MYO9B: variants seen among roughly 807,000 people sequenced by gnomAD.
The protein encoded by MYO9B is myosin IXB.
Under a neutral mutation model 229.5 loss-of-function variants are expected in MYO9B, and 71 were observed. The ratio of observed to expected loss-of-function variants is 0.31; its 90% CI spans 0.26 to 0.38. MYO9B has a LOEUF of 0.38. Among genes scored for constraint, MYO9B ranks in the 10% least tolerant of loss-of-function variants. The pLI is 1.00. For synonymous variants in MYO9B, 1,185 were observed against 1,235.8 expected (o/e 0.96, Z 0.86); for missense variants, 2,255 against 2,920.5 (o/e 0.77, Z 5.25).
chr19:17,189,109 C>T (rs755146083), intron 19 of MYO9B, among the ~76,000 whole-genome samples: 6 of 150,820 alleles, frequency 4.0e-5, no homozygotes, highest in Non-Finnish European at 8.8e-5. Flanking sequence ...TGCAATAAGC[C>T]GAGATCACGC....
chr19:17,084,725 GAAAAA>G (rs1481719736), intron 1 of MYO9B, among the ~76,000 whole-genome samples: 1 of 146,596 alleles, frequency 6.8e-6, no homozygotes, highest in South Asian at 2.2e-4. Flanking sequence ...AAAAAAAAAA[GAAAAA>G]AAGAAAAACA....
chr19:17,117,477 C>T (rs927822582), intron 2 of MYO9B, among the ~76,000 whole-genome samples: 4 of 152,106 alleles, frequency 2.6e-5, no homozygotes, highest in Admixed American at 2.0e-4. Context: ...CCTGTGACCC[C>T]GACACGTGGT....
At chr19:17,137,802 G>A (rs2072289902) in intron 2 of MYO9B, among the ~76,000 whole-genome samples, 1 of 151,832 alleles carries the variant, frequency 6.6e-6, no homozygotes, top group Admixed American at 6.6e-5. Flanking sequence ...GGAGTGCAGG[G>A]GCGCAAATGC....
chr19:17,089,659 C>T (rs532246538), intron 1 of MYO9B, among the ~76,000 whole-genome samples: 5 of 152,200 alleles, frequency 3.3e-5, no homozygotes, highest in African/African-American at 1.2e-4. Flanking sequence ...TCTATGAGAA[C>T]ACAAGGAAAA....
chr19:17,142,333 G>C (rs1026199178), intron 2 of MYO9B, among the ~76,000 whole-genome samples: 1 of 152,128 alleles, frequency 6.6e-6, no homozygotes, highest in Non-Finnish European at 1.5e-5. Flanking sequence ...ACTGCTGATG[G>C]GGACAGTCTC....
At position 17,125,682 on chromosome 19, in the gene MYO9B, G is replaced by A. The variant is rs546435402; in HGVS notation, c.841-19715G>A. Among the ~76,000 whole-genome samples the A allele has an allele frequency of 2.0e-5, 3 of 152,246 alleles. No individual in the cohort carries two copies. The South Asian group carries it at 6.2e-4, about 32-fold the overall frequency. The stretch of plus-strand genomic sequence containing the variant: ...TCTGCGTCTGTGGCTGACAGTTGGT[G>A]TCTCTTGTGAACTGGGACATACGGC... On this transcript the variant is annotated intron_variant, in intron 2 of 39. Coordinates refer to ENST00000682292, the MANE Select transcript of MYO9B (RefSeq NM_004145.4).
Position 17,193,905 on chromosome 19 carries a change from G to A in MYO9B, c.3129-651G>A, listed in dbSNP as rs1021539498. ...AAAGCAAAACAGGCTGGGCATAGTG[G>A]CTCACACCTGTAAGGCCAGCACTTT... On this transcript the variant is annotated intron_variant, in intron 21 of 39. Coordinates refer to ENST00000682292, the MANE Select transcript of MYO9B (RefSeq NM_004145.4). The surrounding 1 kb of genome is among the most constrained non-coding windows in gnomAD (Gnocchi z 4.3). 2.6e-5 allele frequency among the ~76,000 whole-genome samples: 4 copies of A among 151,848 alleles called. No individual in the cohort carries two copies. Among genetic ancestry groups the A allele is most frequent in the African/African-American group, 9.7e-5 (4 of 41,152 alleles).
intron 2 of MYO9B, among the ~76,000 whole-genome samples, chr19:17,142,877 C>T (rs1189030676): frequency 6.6e-6 from 1 of 152,076 alleles, no homozygotes; most frequent in African/African-American, 2.4e-5. Context: ...TGTGGCTTAC[C>T]CTATCAGATG....
chr19:17,190,631 C>T (rs2072973463), intron 19 of MYO9B, among the ~76,000 whole-genome samples: 1 of 120,696 alleles, frequency 8.3e-6, no homozygotes, highest in African/African-American at 3.5e-5. Context: ...AAGTGAGACC[C>T]CGTCTCAAAA....
intron 1 of MYO9B, among the ~76,000 whole-genome samples, chr19:17,080,066 C>T (rs1208021099): frequency 2.6e-5 from 4 of 152,266 alleles, no homozygotes; most frequent in Middle Eastern, 3.4e-3. Flanking sequence ...TTTCTGAGCC[C>T]GAGCCCGATG....
intron 14 of MYO9B, among the ~76,000 whole-genome samples, chr19:17,177,301 T>A (rs1599395478): frequency 6.6e-6 from 1 of 151,566 alleles, no homozygotes; most frequent in East Asian, 1.9e-4. Context: ...TTTTTTTTTT[T>A]GGTCCCCCAA....
chr19:17,157,222 G>T, intron 7 of MYO9B, 184 bp downstream of exon 7: 2 of 692,428 alleles, frequency 2.9e-6, no homozygotes, highest in African/African-American at 3.6e-5. Flanking sequence ...GTGGACAGGG[G>T]CACCTCCTCC....
In MYO9B at chr19:17,166,499, G is replaced by GT. The variant is rs772505293; in HGVS notation, c.1672-1433dup. On this transcript the variant is annotated intron_variant, in intron 10 of 39. Transcript: ENST00000682292. ...TGCATTTTGTTACTGATATATTTAT[G>GT]TTTTTTTTTTTCACTTTGAAGTTCA... Among the ~76,000 whole-genome samples, 1,203 of 145,086 alleles carry GT rather than the reference G, an allele frequency of 8.3e-3. 10 individuals carry two copies. Among genetic ancestry groups the GT allele is most frequent in the African/African-American group, 0.027 (1,073 of 39,940 alleles).
At chr19:17,203,400 G>A in intron 30 of MYO9B, 142 bp downstream of exon 30, 1 of 602,964 alleles carries the variant, frequency 1.7e-6, no homozygotes, top group South Asian at 2.1e-5. Context: ...GGATAACGAG[G>A]TCAGGAGTTT....
chr19:17,196,075 G>A (rs1450150962), intron 22 of MYO9B, among the ~76,000 whole-genome samples: 3 of 144,286 alleles, frequency 2.1e-5, no homozygotes, highest in African/African-American at 7.6e-5. Flanking sequence ...CTTACCACAT[G>A]CCAGGAGTAT....
At chr19:17,127,853 G>C (rs1488386470) in intron 2 of MYO9B, among the ~76,000 whole-genome samples, 1 of 152,184 alleles carries the variant, frequency 6.6e-6, no homozygotes, top group East Asian at 1.9e-4. Flanking sequence ...TTCACCACCT[G>C]CCCCTTCGCA....
chr19:17,127,817 G>A (rs1363086529), intron 2 of MYO9B, among the ~76,000 whole-genome samples: 2 of 152,170 alleles, frequency 1.3e-5, no homozygotes, highest in Non-Finnish European at 2.9e-5. Flanking sequence ...AGAGCTGAGC[G>A]GTGACAGCAG....
Position 17,172,702 on chromosome 19 carries a change from G to T in MYO9B, c.1936-57G>T. The T allele has an allele frequency of 1.3e-6, 2 of 1,588,926 alleles. No individual in the cohort carries two copies. Among genetic ancestry groups the T allele is most frequent in the South Asian group, 1.1e-5 (1 of 90,508 alleles). On this transcript the variant is annotated intron_variant, in intron 12 of 39. Transcript: ENST00000682292. The surrounding 1 kb of genome is among the most constrained non-coding windows in gnomAD (Gnocchi z 8.2). The stretch of plus-strand genomic sequence containing the variant: ...CTTCCTGCGCCAGCCCGGGGTCTTT[G>T]GTAGGCGCCGGTGAGTGACTATCCC...
At chr19:17,207,511 T>C (rs2073176081) in intron 35 of MYO9B, 1 of 197,652 alleles carries the variant, frequency 5.1e-6, no homozygotes, top group African/African-American at 2.3e-5. Context: ...AAATTTAAAT[T>C]TCCAAATTTA....
Sources: allele counts gnomAD v4.1 joint callset (sites outside exome capture counted in the v4.1 genomes callset), GRCh38; gene constraint gnomAD v4.1.1; non-coding constraint Gnocchi (gnomAD v3.1); transcripts MANE v1.5; gene names NCBI Gene and HGNC (gene_info 2026-07-23, HGNC 2026-07-21).